Variants in PXN observed in about 807,000 individuals in gnomAD.
The protein encoded by PXN is testicular tissue protein Li 134.
Under a neutral mutation model 103.6 loss-of-function variants are expected in PXN, and 61 were observed. The ratio of observed to expected loss-of-function variants is 0.59; its 90% CI spans 0.48 to 0.73. The LOEUF (loss-of-function observed/expected upper bound fraction) is 0.73. Ranked by LOEUF, PXN falls within the 30% of genes least tolerant of loss-of-function variation. The pLI is 0.00. For missense variants in PXN, 1,274 were observed against 1,460.3 expected (o/e 0.87, Z 2.08); for synonymous variants, 562 against 607.8 (o/e 0.92, Z 1.11).
At position 120,213,703 on chromosome 12, in the gene PXN, A is replaced by C; in HGVS notation, c.2979+139T>G. 8 of 1,220,078 alleles carry C rather than the reference A, an allele frequency of 6.6e-6. No homozygotes were observed. Among genetic ancestry groups the C allele is most frequent in the East Asian group, 5.1e-5 (2 of 38,898 alleles). 75.6% of individuals were successfully genotyped at this position (1,220,078 alleles called of 1,614,324 possible). On this transcript the variant is annotated intron_variant, in intron 14 of 14. Transcript: ENST00000637617. The surrounding 1 kb of genome is among the most constrained non-coding windows in gnomAD (Gnocchi z 4.2). The stretch of plus-strand genomic sequence containing the variant: ...GCCCAGGACCTACTGGACTGGAGGA[A>C]GGAGATCCCCTGCCTGCTCCCCCAA...
intron 3 of PXN, 118 bp from the exon 4 acceptor site, chr12:120,223,117 A>G: frequency 6.6e-7 from 1 of 1,520,090 alleles, no homozygotes. Flanking sequence ...TTCCCCCGCA[A>G]GAGGACAGAG....
chr12:120,236,632 ACACCCAG>A (rs1889114698), intron 1 of PXN, among the ~76,000 whole-genome samples: 1 of 151,820 alleles, frequency 6.6e-6, no homozygotes, highest in Non-Finnish European at 1.5e-5. Context: ...GCCTGCCACC[ACACCCAG>A]CTAATTTTTG....
rs974743199 is a variant in PXN, at chr12:120,220,134, T to G, written c.832-43A>C. 6.8e-6 allele frequency: 5 copies of G among 740,016 alleles called. No homozygotes were observed. The highest frequency in any genetic ancestry group is 1.1e-5 in the Non-Finnish European group (5 of 469,336). The allele number at this position is 740,016 out of a possible 1,614,324, so 45.8% of individuals were successfully genotyped here. ...GCAGAGGGGAGAGGAGAGAGAGAGATGAGGGGAGTGAGGACGGCTGCACCT... is the reference window on the plus strand; with the variant it reads ...GCAGAGGGGAGAGGAGAGAGAGAGAGGAGGGGAGTGAGGACGGCTGCACCT... On this transcript the variant is annotated intron_variant, in intron 6 of 14. Coordinates refer to ENST00000637617, the MANE Select transcript of PXN (RefSeq NM_001385981.1). The surrounding 1 kb of genome is among the most constrained non-coding windows in gnomAD (Gnocchi z 6.1).
Position 120,224,639 on chromosome 12 carries a change from C to T in PXN, c.14-262G>A, listed in dbSNP as rs1886298457. ...CTCTGGGGCTGCCCTGTGGGATCTC[C>T]TACCTCTGGGAGTCAGGCACCTGGC... On this transcript the variant is annotated intron_variant, in intron 1 of 14. Transcript: ENST00000637617. The surrounding 1 kb of genome is among the most constrained non-coding windows in gnomAD (Gnocchi z 5.0). 1 of 671,612 alleles carries T rather than the reference C, an allele frequency of 1.5e-6. No homozygotes were observed. Among genetic ancestry groups the T allele is most frequent in the African/African-American group, 1.8e-5 (1 of 56,706 alleles). 41.6% of individuals were successfully genotyped at this position (671,612 alleles called of 1,614,324 possible).
chr12:120,235,030 T>A (rs779421634), intron 1 of PXN, among the ~76,000 whole-genome samples: 4 of 152,150 alleles, frequency 2.6e-5, no homozygotes, highest in Admixed American at 6.5e-5. Context: ...GAACATCAGC[T>A]GAGCCCAGGC....
Position 120,223,749 on chromosome 12 carries a change from A to G in PXN, c.325T>C (p.Ser109Pro), listed in dbSNP as rs1387388078. ...ACGTGCTCCTCCTCACCCACTCGGG[A>G]GCACGGAGAGCCAACACTGTCCTGA... is the stretch of plus-strand genomic sequence containing the variant. Reference protein sequence around the residue: ...NPQDSVGSPCSRVGEEEHVYS... With the variant: ...NPQDSVGSPCPRVGEEEHVYS... The change falls in exon 3 of 15, where the codon TCC becomes CCC. Residue 109 changes from serine (S) to proline (P), a missense_variant. Coordinates refer to ENST00000637617, the MANE Select transcript of PXN (RefSeq NM_001385981.1). 1.2e-6 allele frequency: 2 copies of G among 1,606,294 alleles called. No homozygotes were observed. The highest frequency in any genetic ancestry group is 3.4e-5 in the Admixed American group (2 of 58,924).
At position 120,246,146 on chromosome 12, in the gene PXN, G is replaced by A. The variant is rs532810389; in HGVS notation, c.13+19471C>T. ...TCACACCTATAATCCCAGCGCATTG[G>A]GAGGCCAAAGCAGGAGGATTGCTTG... On this transcript the variant is annotated intron_variant, in intron 1 of 14. Transcript: ENST00000637617. Among the ~76,000 whole-genome samples the A allele has an allele frequency of 3.1e-3, 474 of 152,236 alleles. 1 individual carries two copies. The highest frequency in any genetic ancestry group is 0.011 in the African/African-American group (457 of 41,542).
chr12:120,232,607 T>G (rs1289484141), intron 1 of PXN, among the ~76,000 whole-genome samples: 1 of 152,118 alleles, frequency 6.6e-6, no homozygotes, highest in Admixed American at 6.6e-5. Flanking sequence ...CTGTTCCAAA[T>G]CGACCCCAGC....
chr12:120,237,269 G>C (rs1889270614), intron 1 of PXN, among the ~76,000 whole-genome samples: 1 of 150,934 alleles, frequency 6.6e-6, no homozygotes, highest in African/African-American at 2.4e-5. Flanking sequence ...AGCAATTCTT[G>C]TGCCTCAGCC....
Position 120,224,806 on chromosome 12 carries a change from T to G in PXN, c.14-429A>C. The G allele has an allele frequency of 2.2e-6, 1 of 453,922 alleles. No individual in the cohort carries two copies. Among genetic ancestry groups the G allele is most frequent in the East Asian group, 6.8e-5 (1 of 14,658 alleles). 28.1% of individuals were successfully genotyped at this position (453,922 alleles called of 1,614,324 possible). On this transcript the variant is annotated intron_variant, in intron 1 of 14. Transcript: ENST00000637617. This position sits in a 1 kb window ranked among gnomAD's most constrained non-coding sequence, Gnocchi z 5.0. ...GGCCCTGGCTATGCCAGGCCCTCAC[T>G]TGATTTCTAAGAGCTTAGGCTTTCC...
chr12:120,262,109 A>G (rs1163765448), intron 1 of PXN, among the ~76,000 whole-genome samples: 3 of 152,220 alleles, frequency 2.0e-5, no homozygotes, highest in Non-Finnish European at 4.4e-5. Context: ...CAGACTTTCC[A>G]TGGAAACAGG....
At chr12:120,232,738 C>T (rs1002121528) in intron 1 of PXN, among the ~76,000 whole-genome samples, 22 of 152,126 alleles carry the variant, frequency 1.4e-4, no homozygotes, top group African/African-American at 4.8e-5. Flanking sequence ...AGTGAGTCAT[C>T]GTCCCACAGA....
At chr12:120,248,161 G>A (rs1891488419) in intron 1 of PXN, among the ~76,000 whole-genome samples, 1 of 151,682 alleles carries the variant, frequency 6.6e-6, no homozygotes, top group Non-Finnish European at 1.5e-5. Context: ...AATAACCCAA[G>A]AGAGGTGAAG....
chr12:120,218,639 G>A (rs1272549998), intron 7 of PXN, among the ~76,000 whole-genome samples: 2 of 152,204 alleles, frequency 1.3e-5, no homozygotes, highest in Non-Finnish European at 2.9e-5. Context: ...GCCTCCCAAA[G>A]TGCTGGGATT....
Position 120,219,210 on chromosome 12 carries a change from G to A in PXN, c.1713C>T (p.Gly571=). The A allele has an allele frequency of 6.4e-7, 1 of 1,569,264 alleles. No homozygotes were observed. The highest frequency in any genetic ancestry group is 8.6e-7 in the Non-Finnish European group (1 of 1,161,002). ...AGCCATGCGAGCTGGTGCCTGCCTG[G>A]CCAGAGGTGGAAATCCTCTCCGTGG... The part of the protein sequence containing the change: ...PSTTERISTS[G]QIRSVIRRSW... The change falls in exon 7 of 15, where the codon GGC becomes GGT. Residue 571 remains glycine, a synonymous_variant. Transcript: ENST00000637617. The surrounding 1 kb of genome is among the most constrained non-coding windows in gnomAD (Gnocchi z 6.5).
chr12:120,245,315 T>C (rs1402584207), intron 1 of PXN, among the ~76,000 whole-genome samples: 2 of 151,048 alleles, frequency 1.3e-5, no homozygotes, highest in East Asian at 3.9e-4. Flanking sequence ...GAAGCACAGA[T>C]GGGATGAGCC....
chr12:120,246,427 T>C (rs1891129941), intron 1 of PXN, among the ~76,000 whole-genome samples: 1 of 143,936 alleles, frequency 6.9e-6, no homozygotes, highest in African/African-American at 2.6e-5. Flanking sequence ...CTCCAGAGGC[T>C]GAGGCATGAG....
chr12:120,226,673 G>T, intron 1 of PXN: 1 of 1,155,492 alleles, frequency 8.7e-7, no homozygotes, highest in African/African-American at 1.6e-5. Context: ...TGAAGTATTG[G>T]TGAGAGGATG....
rs1882898482 is a variant in PXN, at chr12:120,216,113, C to G, written c.2301+160G>C. ...CTTCTGAGTGGGGGAAGACCGGGGT[C>G]AAGGTTTACGGCAGGACTGTGGTTA... On this transcript the variant is annotated intron_variant, in intron 9 of 14. Transcript: ENST00000637617. The surrounding 1 kb of genome is among the most constrained non-coding windows in gnomAD (Gnocchi z 5.1). The G allele has an allele frequency of 7.8e-7, 1 of 1,285,406 alleles. No individual in the cohort carries two copies. Among genetic ancestry groups the G allele is most frequent in the Non-Finnish European group, 9.8e-7 (1 of 1,018,610 alleles). 79.6% of individuals were successfully genotyped at this position (1,285,406 alleles called of 1,614,324 possible). A position where few individuals can be genotyped will look rare whatever the true frequency, so the allele number is the denominator to read the frequency against.
Sources: gnomAD v4.1 joint callset for allele counts (sites outside exome capture counted in the v4.1 genomes callset) on GRCh38, gnomAD v4.1.1 for gene constraint, Gnocchi (gnomAD v3.1) non-coding constraint, MANE v1.5 for transcripts, NCBI Gene and HGNC (gene_info 2026-07-23, HGNC 2026-07-21) for gene names.